Variants in PTPRT observed in about 807,000 individuals in gnomAD.
PTPRT encodes the protein protein tyrosine phosphatase receptor type T.
A neutral mutation model predicts 176.8 loss-of-function variants in PTPRT; 56 were observed. The ratio of observed to expected loss-of-function variants is 0.32; its 90% CI spans 0.26 to 0.40. The LOEUF is 0.40. Ranked by LOEUF, PTPRT falls within the 10% of genes least tolerant of loss-of-function variation. The pLI, the probability that PTPRT is intolerant of heterozygous loss-of-function variation, is 1.00. For missense variants in PTPRT, 1,540 were observed against 1,908.2 expected (o/e 0.81, Z 3.60); for synonymous variants, 783 against 739.0 (o/e 1.06, Z -0.96).
At chr20:42,991,458 A>G (rs1422119282) in intron 1 of PTPRT, among the ~76,000 whole-genome samples, 1 of 152,202 alleles carries the variant, frequency 6.6e-6, no homozygotes, top group Non-Finnish European at 1.5e-5. Context: ...TTATATAAAT[A>G]AGCTATCTGA....
chr20:42,077,448 G>C lies in PTPRT; in HGVS notation c.*3431C>G, dbSNP rs73907079. On this transcript the variant is annotated 3_prime_UTR_variant, in exon 31 of 31. Coordinates refer to ENST00000373187, the MANE Select transcript of PTPRT (RefSeq NM_007050.6). The stretch of plus-strand genomic sequence containing the variant: ...ATGAGGTAAGAGCTCCTGTTGTAAA[G>C]ACTCAGAGAGCATTAATAATATTTT... 3.7e-3 allele frequency: 824 copies of C among 224,256 alleles called. 6 individuals are homozygous for C. Among genetic ancestry groups the C allele is most frequent in the African/African-American group, 0.017 (769 of 44,956 alleles). 13.9% of individuals were successfully genotyped at this position (224,256 alleles called of 1,614,324 possible). A position where few individuals can be genotyped will look rare whatever the true frequency, so the allele number is the denominator to read the frequency against.
At chr20:42,518,525 T>G (rs1385319712) in intron 7 of PTPRT, among the ~76,000 whole-genome samples, 1 of 152,152 alleles carries the variant, frequency 6.6e-6, no homozygotes, top group Non-Finnish European at 1.5e-5. Flanking sequence ...AGTTATCCAT[T>G]TCACATAAAT....
chr20:43,047,200 A>T (rs1986871712), intron 1 of PTPRT, among the ~76,000 whole-genome samples: 1 of 151,906 alleles, frequency 6.6e-6, no homozygotes, highest in South Asian at 2.1e-4. Flanking sequence ...CTGAGAACCC[A>T]CAGTGCTGCG....
At chr20:43,027,122 A>G (rs1323563636) in intron 1 of PTPRT, among the ~76,000 whole-genome samples, 3 of 152,130 alleles carry the variant, frequency 2.0e-5, no homozygotes, top group Non-Finnish European at 4.4e-5. Flanking sequence ...TGGTAGCTCT[A>G]GTTTTAGTTT....
chr20:42,237,093 C>T (rs2056259776), intron 14 of PTPRT, among the ~76,000 whole-genome samples: 1 of 152,246 alleles, frequency 6.6e-6, no homozygotes, highest in South Asian at 2.1e-4. Context: ...CCCACCAGCC[C>T]CCAGCCATTT....
intron 1 of PTPRT, among the ~76,000 whole-genome samples, chr20:42,909,239 G>A (rs527354597): frequency 6.6e-6 from 1 of 152,144 alleles, no homozygotes; most frequent in East Asian, 1.9e-4. Flanking sequence ...ATCTATCATT[G>A]CTCTATTGAT....
intron 5 of PTPRT, among the ~76,000 whole-genome samples, chr20:42,761,448 T>A (rs930917580): frequency 2.8e-4 from 42 of 148,798 alleles, no homozygotes; most frequent in African/African-American, 9.5e-4. Context: ...AAAAAAAAAA[T>A]AAAACAAATA....
chr20:42,032,796 T>G, the PTPRT span, among the ~76,000 whole-genome samples: 5 of 152,110 alleles, frequency 3.3e-5, no homozygotes, highest in African/African-American at 1.2e-4. Flanking sequence ...TCACTGGTGT[T>G]GAGTAAAGCA....
chr20:42,429,451 G>T (rs1316990719), intron 9 of PTPRT, among the ~76,000 whole-genome samples: 3 of 152,120 alleles, frequency 2.0e-5, no homozygotes, highest in Non-Finnish European at 4.4e-5. Context: ...TGACCTTTCT[G>T]GAGGGGAGAA....
chr20:42,442,538 A>T (rs532259418), intron 9 of PTPRT, among the ~76,000 whole-genome samples: 2 of 152,306 alleles, frequency 1.3e-5, no homozygotes, highest in Admixed American at 1.3e-4. Flanking sequence ...GGGTCTTCTC[A>T]TTCCCTTTAA....
At chr20:42,674,428 T>C (rs2075464839) in intron 7 of PTPRT, among the ~76,000 whole-genome samples, 1 of 152,216 alleles carries the variant, frequency 6.6e-6, no homozygotes, top group Admixed American at 6.5e-5. Context: ...ATTGAGATGA[T>C]CATCTTGCGA....
chr20:42,052,462 G>A, the PTPRT span, among the ~76,000 whole-genome samples: 1,969 of 152,282 alleles, frequency 0.013, 31 homozygotes, highest in African/African-American at 0.044. Context: ...AGCATTTGGA[G>A]CTTTGAAGAG....
intron 27 of PTPRT, among the ~76,000 whole-genome samples, chr20:42,096,793 T>C (rs1415449239): frequency 1.6e-5 from 2 of 125,504 alleles, no homozygotes; most frequent in African/African-American, 3.1e-5. Context: ...AGAGACAGGG[T>C]CTCATGGTGT....
intron 13 of PTPRT, among the ~76,000 whole-genome samples, chr20:42,276,139 T>C (rs1423079756): frequency 6.6e-6 from 1 of 151,994 alleles, no homozygotes. Flanking sequence ...GGTCTGGTGA[T>C]GAAGAAAGGA....
At chr20:42,726,648 G>A (rs149816213) in intron 6 of PTPRT, among the ~76,000 whole-genome samples, 163 of 152,306 alleles carry the variant, frequency 1.1e-3, no homozygotes, top group African/African-American at 3.8e-3. Context: ...TTTGCAAAAT[G>A]GGAACACTAT....
intron 9 of PTPRT, among the ~76,000 whole-genome samples, chr20:42,447,069 T>C (rs1208288150): frequency 2.6e-5 from 4 of 152,192 alleles, no homozygotes; most frequent in African/African-American, 9.6e-5. Flanking sequence ...AGATTAATCT[T>C]GAGTACTTTT....
chr20:42,488,886 C>T (rs2071509288), intron 7 of PTPRT, among the ~76,000 whole-genome samples: 1 of 151,074 alleles, frequency 6.6e-6, no homozygotes, highest in South Asian at 2.1e-4. Flanking sequence ...ATTGCTTGAA[C>T]CTAGGAGGTG....
chr20:42,843,363 A>G (rs2078312744), intron 2 of PTPRT, among the ~76,000 whole-genome samples: 1 of 152,180 alleles, frequency 6.6e-6, no homozygotes, highest in African/African-American at 2.4e-5. Context: ...TGTTTCTCAA[A>G]GCCAGGGACT....
intron 9 of PTPRT, 21 bp downstream of exon 9, chr20:42,448,199 C>A (rs760090878): frequency 6.4e-7 from 1 of 1,552,448 alleles, no homozygotes; most frequent in Non-Finnish European, 8.9e-7. Context: ...CCAATGGATG[C>A]AGCACAAGGG....
Sources: allele counts gnomAD v4.1 joint callset (sites outside exome capture counted in the v4.1 genomes callset), GRCh38; gene constraint gnomAD v4.1.1; transcripts MANE v1.5; gene names NCBI Gene and HGNC (gene_info 2026-07-23, HGNC 2026-07-21).